CHST15: variants seen among roughly 807,000 people sequenced by gnomAD.
CHST15 encodes carbohydrate sulfotransferase 15.
A neutral mutation model predicts 53.6 loss-of-function variants in CHST15; 30 were observed. The observed-to-expected ratio is 0.56, with a 90% CI of 0.42 to 0.76. The LOEUF is 0.76. CHST15 is among the 30% of genes least tolerant of loss of function. The pLI is 0.00. For missense variants in CHST15, 627 were observed against 740.5 expected (o/e 0.85, Z 1.78); for synonymous variants, 296 against 289.8 (o/e 1.02, Z -0.22).
In CHST15 at chr10:124,021,152, C is replaced by T. The variant is rs749364263; in HGVS notation, c.1347+104G>A. 5 of 1,538,428 alleles carry T rather than the reference C, an allele frequency of 3.3e-6. No individual in the cohort carries two copies. In the South Asian group the frequency reaches 5.9e-5, roughly 18 times the overall value. ...GCACATTAAAACGCTTCTCTCTGTT[C>T]CTATGCTGAAACGCAAACCCACAAT... On this transcript the variant is annotated intron_variant, in intron 6 of 7. Transcript: ENST00000435907.
intron 1 of CHST15, among the ~76,000 whole-genome samples, chr10:124,068,952 G>A (rs1314853281): frequency 6.6e-6 from 1 of 152,218 alleles, no homozygotes; most frequent in African/African-American, 2.4e-5. Context: ...TACAAAGAAA[G>A]CATACAAGGA....
intron 5 of CHST15, 56 bp from the exon 6 acceptor site, chr10:124,021,468 T>C (rs976728393): frequency 5.1e-6 from 8 of 1,559,664 alleles, no homozygotes; most frequent in South Asian, 3.7e-5. Flanking sequence ...ATCACACCAT[T>C]TGGGCGACAA....
At chr10:124,022,568 A>ATATT (rs1337991253) in intron 5 of CHST15, among the ~76,000 whole-genome samples, 1 of 152,164 alleles carries the variant, frequency 6.6e-6, no homozygotes, top group African/African-American at 2.4e-5. Context: ...ATTTGTCAAA[A>ATATT]TATTGTTTGT....
At chr10:124,052,117 T>C (rs1264358676) in intron 1 of CHST15, among the ~76,000 whole-genome samples, 1 of 152,234 alleles carries the variant, frequency 6.6e-6, no homozygotes, top group African/African-American at 2.4e-5. Context: ...TAACCTTTAC[T>C]AAAACACAAA....
At chr10:124,038,020 C>T (rs994574776) in intron 5 of CHST15, among the ~76,000 whole-genome samples, 2 of 152,210 alleles carry the variant, frequency 1.3e-5, no homozygotes, top group African/African-American at 4.8e-5. Flanking sequence ...CATGTGTCAA[C>T]TCAGTGGGGA....
chr10:124,089,774 CT>C (rs1949548217), intron 1 of CHST15, among the ~76,000 whole-genome samples: 1 of 152,182 alleles, frequency 6.6e-6, no homozygotes, highest in Admixed American at 6.5e-5. Flanking sequence ...CTTATGGCAG[CT>C]TCTGGACCAT....
At position 124,008,950 on chromosome 10, in the gene CHST15, G is replaced by A. The variant is rs148090054; in HGVS notation, c.*1199C>T. ...GCCTGGAAAATTCCATGAAGAACAC[G>A]GCTCTTAGAAACCTCATTCCAAATC... On this transcript the variant is annotated 3_prime_UTR_variant, in exon 8 of 8. Transcript: ENST00000435907. The A allele has an allele frequency of 3.7e-4, 471 of 1,289,062 alleles. 2 individuals are homozygous for A. In the African/African-American group the frequency reaches 6.5e-3, roughly 18 times the overall value. 79.9% of individuals were successfully genotyped at this position (1,289,062 alleles called of 1,614,324 possible). A position where few individuals can be genotyped will look rare whatever the true frequency, so the allele number is the denominator to read the frequency against.
rs561512305 is a variant in CHST15 at position 124,011,741 on chromosome 10, C to T, written c.1495+592G>A. ...CTGGTATCCACAGGCTGAGGGCAGG[C>T]GCTCATGCCCCAGGGGCCCAGCATC... On this transcript the variant is annotated intron_variant, in intron 7 of 7. Coordinates refer to ENST00000435907, the MANE Select transcript of CHST15 (RefSeq NM_001270764.2). 35 of 985,384 alleles carry T rather than the reference C, an allele frequency of 3.6e-5. No homozygotes were observed. The African/African-American group carries it at 5.8e-4, about 16-fold the overall frequency. The allele number at this position is 985,384 out of a possible 1,614,324, so 61.0% of individuals were successfully genotyped here.
chr10:124,034,182 T>C (rs1050367853), intron 5 of CHST15, among the ~76,000 whole-genome samples: 3 of 152,186 alleles, frequency 2.0e-5, no homozygotes, highest in Non-Finnish European at 4.4e-5. Flanking sequence ...AGGGGCTGAA[T>C]ATGTGTTTGA....
At chr10:124,060,204 C>T (rs1344858144) in intron 1 of CHST15, among the ~76,000 whole-genome samples, 1 of 150,758 alleles carries the variant, frequency 6.6e-6, no homozygotes, top group Non-Finnish European at 1.5e-5. Context: ...CCAACCCTCC[C>T]CCGTGTGTGC....
Position 124,010,286 on chromosome 10 carries a change from C to A in CHST15, c.1549G>T (p.Ala517Ser). 1 of 1,613,328 alleles carries A rather than the reference C, an allele frequency of 6.2e-7. No homozygotes were observed. The highest frequency in any genetic ancestry group is 1.7e-4 in the Middle Eastern group (1 of 5,998). ...AGGTTCCGGTCCTCGGGACGCCGTG[C>A]ATTGGATGCGGGGCTCTTGGTCATC... is the stretch of plus-strand genomic sequence containing the variant. ...ALMTKSPASN[A>S]RRPEDRNLGP... The change falls in exon 8 of 8, where the codon GCA becomes TCA. Residue 517 changes from alanine to serine, a missense_variant. Ala to Ser is a moderately conservative substitution (Grantham distance 99). This residue lies in a region of CHST15 where 279 missense variants were observed against 371.6 expected (regional missense o/e 0.75). Transcript: ENST00000435907.
intron 5 of CHST15, among the ~76,000 whole-genome samples, chr10:124,023,993 G>A (rs1473644837): frequency 6.6e-6 from 1 of 152,160 alleles, no homozygotes; most frequent in African/African-American, 2.4e-5. Flanking sequence ...ATAGGCGCCT[G>A]CCATCACACC....
At chr10:124,056,498 G>C (rs55780929) in intron 1 of CHST15, among the ~76,000 whole-genome samples, 9 of 152,214 alleles carry the variant, frequency 5.9e-5, no homozygotes, top group Admixed American at 1.3e-4. Context: ...GACAAGGGAT[G>C]GGGGAACGGA....
intron 5 of CHST15, among the ~76,000 whole-genome samples, chr10:124,035,115 C>T (rs563456453): frequency 2.2e-4 from 29 of 133,790 alleles, no homozygotes; most frequent in Non-Finnish European, 2.7e-4. Context: ...ACCCCGGCTC[C>T]GCCCCCTAAC....
chr10:124,092,933 G>A (rs1949647854), intron 1 of CHST15, among the ~76,000 whole-genome samples: 1 of 152,228 alleles, frequency 6.6e-6, no homozygotes, highest in Non-Finnish European at 1.5e-5. Flanking sequence ...CGGACAGCCC[G>A]CCGGTGCGTT....
At chr10:124,014,428 C>A (rs926208265) in intron 6 of CHST15, among the ~76,000 whole-genome samples, 24 of 152,214 alleles carry the variant, frequency 1.6e-4, no homozygotes, top group African/African-American at 5.8e-4. Context: ...GGATAAGTTG[C>A]CTTCAAAATT....
chr10:124,010,866 G>T, intron 7 of CHST15: 1 of 985,454 alleles, frequency 1.0e-6, no homozygotes, highest in Non-Finnish European at 1.2e-6. Context: ...CTGGGAGGAG[G>T]CCACTTGTGC....
rs1948008201 is a variant in CHST15 at position 124,046,449 on chromosome 10, T to C, written c.-237A>G. 1 of 444,092 alleles carries C rather than the reference T, an allele frequency of 2.3e-6. No homozygotes were observed. Among genetic ancestry groups the C allele is most frequent in the Non-Finnish European group, 4.0e-6 (1 of 253,058 alleles). 27.5% of individuals were successfully genotyped at this position (444,092 alleles called of 1,614,324 possible). On this transcript the variant is annotated 5_prime_UTR_variant, in exon 2 of 8. Coordinates refer to ENST00000435907, the MANE Select transcript of CHST15 (RefSeq NM_001270764.2). The stretch of plus-strand genomic sequence containing the variant: ...GAAGTGATGTCCCAGAGTCATGTTC[T>C]ACAAGAGCCGCTGCAACCTCAGAGA...
chr10:124,009,616 G>C lies in CHST15; in HGVS notation c.*533C>G. ...CCAGTGAGGTTAGCGATCGCAACAA[G>C]AGTGTTTCAGAAGTGAATGTGGTAT... is the stretch of plus-strand genomic sequence containing the variant. On this transcript the variant is annotated 3_prime_UTR_variant, in exon 8 of 8. Coordinates refer to ENST00000435907, the MANE Select transcript of CHST15 (RefSeq NM_001270764.2). The C allele has an allele frequency of 3.0e-6, 3 of 992,710 alleles. No homozygotes were observed. The highest frequency in any genetic ancestry group is 3.6e-6 in the Non-Finnish European group (3 of 833,794). The allele number at this position is 992,710 out of a possible 1,614,324, so 61.5% of individuals were successfully genotyped here. A position where few individuals can be genotyped will look rare whatever the true frequency, so the allele number is the denominator to read the frequency against.
Sources: allele counts gnomAD v4.1 joint callset (sites outside exome capture counted in the v4.1 genomes callset), GRCh38; gene constraint gnomAD v4.1.1; regional missense constraint gnomAD v4.1.1; transcripts MANE v1.5; gene names NCBI Gene and HGNC (gene_info 2026-07-23, HGNC 2026-07-21).